COLEC10: variants seen among roughly 807,000 people sequenced by gnomAD.
COLEC10 encodes the protein collectin-10.
Under a neutral mutation model 28.4 loss-of-function variants are expected in COLEC10, and 22 were observed. That is an observed-to-expected ratio of 0.78 (90% CI 0.55 to 1.11). The LOEUF (loss-of-function observed/expected upper bound fraction) is 1.11. Ranked by LOEUF, COLEC10 falls within the 50% of genes least tolerant of loss-of-function variation. COLEC10 has a pLI of 0.00. For missense variants in COLEC10, 361 were observed against 344.1 expected, an observed-to-expected ratio of 1.05 and a Z score of -0.39; for synonymous variants, 125 against 116.1, an observed-to-expected ratio of 1.08 and a Z score of -0.49.
the COLEC10 span, among the ~76,000 whole-genome samples, chr8:118,986,204 A>G: frequency 4.6e-5 from 7 of 152,200 alleles, no homozygotes; most frequent in Non-Finnish European, 4.4e-5. Context: ...ACTTTAACAA[A>G]AGTTTATAAC....
the COLEC10 span, among the ~76,000 whole-genome samples, chr8:118,973,433 C>T: frequency 2.0e-5 from 3 of 151,834 alleles, no homozygotes; most frequent in Non-Finnish European, 4.4e-5. Flanking sequence ...TCCTCAAAGG[C>T]GGTGGGCCCA....
In COLEC10 at chr8:119,106,008, G is replaced by A; in HGVS notation, c.651G>A (p.Glu217=). 6.2e-7 allele frequency: 1 copy of A among 1,613,814 alleles called. No homozygotes were observed. The highest frequency in any genetic ancestry group is 8.5e-7 in the Non-Finnish European group (1 of 1,179,884). ...TTGGCGTGAATGACCTTGAAAGGGA[G>A]GGACAGTACATGTTCACAGACAACA... ...VFIGVNDLER[E]GQYMFTDNTP... The change falls in exon 6 of 6, where the codon GAG becomes GAA. Residue 217 remains glutamate (E), a synonymous_variant. Transcript: ENST00000332843.
intron 1 of COLEC10, among the ~76,000 whole-genome samples, chr8:119,088,803 A>C (rs548125562): frequency 4.6e-5 from 7 of 152,328 alleles, no homozygotes; most frequent in African/African-American, 1.7e-4. Flanking sequence ...AGCATAAAGG[A>C]AAGAAAAACA....
At chr8:119,094,380 C>A (rs1490369054) in intron 3 of COLEC10, among the ~76,000 whole-genome samples, 2 of 152,148 alleles carry the variant, frequency 1.3e-5, no homozygotes. Flanking sequence ...AAAGAAAAAT[C>A]TGACACTACT....
intron 1 of COLEC10, among the ~76,000 whole-genome samples, chr8:119,084,652 A>G (rs1263239370): frequency 6.6e-6 from 1 of 152,202 alleles, no homozygotes; most frequent in African/African-American, 2.4e-5. Flanking sequence ...AAAAAGCAAG[A>G]TTGATATAAT....
At chr8:119,018,235 T>C (rs28437165) in intron 2 of COLEC10, among the ~76,000 whole-genome samples, 88,793 of 152,014 alleles carry the variant, frequency 0.58, 26,635 homozygotes, top group African/African-American at 0.72. Flanking sequence ...GCCCCTAGGG[T>C]CACTTGGTAG....
chr8:118,970,751 GT>G, the COLEC10 span, among the ~76,000 whole-genome samples: 3 of 149,726 alleles, frequency 2.0e-5, no homozygotes, highest in Non-Finnish European at 4.4e-5. Context: ...ATACTTTTTT[GT>G]CATACCAATA....
At chr8:119,036,967 G>A (rs528610613) in intron 2 of COLEC10, among the ~76,000 whole-genome samples, 17 of 152,238 alleles carry the variant, frequency 1.1e-4, no homozygotes, top group Admixed American at 2.6e-4. Context: ...GGGGCTTCCC[G>A]TTGGCTAAAA....
chr8:118,992,673 A>G (rs896517364), upstream of COLEC10, among the ~76,000 whole-genome samples: 1 of 152,180 alleles, frequency 6.6e-6, no homozygotes, highest in Non-Finnish European at 1.5e-5. Context: ...TTTTTATCTC[A>G]TTCTACCTTT....
At chr8:118,975,986 C>G in the COLEC10 span, among the ~76,000 whole-genome samples, 1 of 151,980 alleles carries the variant, frequency 6.6e-6, no homozygotes, top group African/African-American at 2.4e-5. Flanking sequence ...AATTTGGACT[C>G]CCTCTCATTG....
chr8:118,989,726 A>ATG, the COLEC10 span, among the ~76,000 whole-genome samples: 2,830 of 151,306 alleles, frequency 0.019, 83 homozygotes, highest in African/African-American at 0.064. Context: ...AAAAATTTGC[A>ATG]TGTGTGTGTG....
At chr8:119,087,083 T>C (rs931350293) in intron 1 of COLEC10, among the ~76,000 whole-genome samples, 1 of 152,226 alleles carries the variant, frequency 6.6e-6, no homozygotes, top group African/African-American at 2.4e-5. Context: ...ATAGATTGTA[T>C]GTCAAGTGCT....
At chr8:118,996,843 G>A (rs944339198) in intron 1 of COLEC10, among the ~76,000 whole-genome samples, 1 of 152,308 alleles carries the variant, frequency 6.6e-6, no homozygotes, top group East Asian at 1.9e-4. Context: ...GGGAGCAGGC[G>A]TGTCATGACA....
At chr8:119,094,967 T>C (rs1815680584) in intron 3 of COLEC10, among the ~76,000 whole-genome samples, 2 of 152,070 alleles carry the variant, frequency 1.3e-5, no homozygotes, top group Admixed American at 1.3e-4. Context: ...CTATCAGCAA[T>C]TCTAATCAAC....
At chr8:118,992,785 G>A (rs541753452), upstream of COLEC10, among the ~76,000 whole-genome samples, 10 of 152,110 alleles carry the variant, frequency 6.6e-5, no homozygotes, top group African/African-American at 2.4e-4. Context: ...TAATTAAAAG[G>A]TAGAATATTC....
intron 2 of COLEC10, among the ~76,000 whole-genome samples, chr8:119,057,406 C>A (rs1047688580): frequency 5.3e-5 from 8 of 152,080 alleles, no homozygotes; most frequent in African/African-American, 1.9e-4. Context: ...TGAAAACAGA[C>A]TAATACACTT....
chr8:119,087,056 G>A (rs1815494003), intron 1 of COLEC10, among the ~76,000 whole-genome samples: 1 of 152,196 alleles, frequency 6.6e-6, no homozygotes, highest in Non-Finnish European at 1.5e-5. Context: ...CTCAAAGCTT[G>A]CTGTGGGGAT....
the COLEC10 span, chr8:118,976,686 T>C: frequency 6.6e-6 from 1 of 152,192 alleles, no homozygotes; most frequent in Non-Finnish European, 1.5e-5. Flanking sequence ...GACATAGGCA[T>C]GGGCAAGGAC....
the COLEC10 span, among the ~76,000 whole-genome samples, chr8:118,979,879 T>G: frequency 4.6e-5 from 7 of 152,076 alleles, no homozygotes; most frequent in Non-Finnish European, 1.5e-5. Context: ...AAGAGTCCAA[T>G]TTTAAGCTCA....
Sources: allele counts gnomAD v4.1 joint callset (sites outside exome capture counted in the v4.1 genomes callset), GRCh38; gene constraint gnomAD v4.1.1; transcripts MANE v1.5; gene names NCBI Gene and HGNC (gene_info 2026-07-23, HGNC 2026-07-21).